SVIL: variants seen among roughly 807,000 people sequenced by gnomAD.
SVIL encodes the protein archvillin.
A neutral mutation model predicts 240.4 loss-of-function variants in SVIL; 101 were observed. The observed-to-expected ratio is 0.42, with a 90% confidence interval of 0.36 to 0.50. The LOEUF is 0.50. Among genes scored for constraint, SVIL ranks in the 20% least tolerant of loss-of-function variants. The pLI, the probability that SVIL is intolerant of heterozygous loss-of-function variation, is 0.01. For missense variants in SVIL, 2,512 were observed against 2,818.7 expected (o/e 0.89, Z 2.46); for synonymous variants, 999 against 1,100.0 (o/e 0.91, Z 1.82).
At chr10:29,705,336 G>A (rs1962811993) in intron 1 of SVIL, among the ~76,000 whole-genome samples, 1 of 152,080 alleles carries the variant, frequency 6.6e-6, no homozygotes. Flanking sequence ...TACCTGACAC[G>A]GCAAAGATTC....
At chr10:29,650,027 T>A (rs1159713635) in intron 3 of SVIL, among the ~76,000 whole-genome samples, 2 of 152,204 alleles carry the variant, frequency 1.3e-5, no homozygotes, top group Non-Finnish European at 2.9e-5. Context: ...CCTCACCAGA[T>A]GCAGCCCCTG....
At chr10:29,541,980 T>G (rs2132606032) in intron 6 of SVIL, among the ~76,000 whole-genome samples, 1 of 152,314 alleles carries the variant, frequency 6.6e-6, no homozygotes, top group Non-Finnish European at 1.5e-5. Context: ...CTGCTCACAG[T>G]GCGTTCCACT....
At chr10:29,490,749 A>G in intron 22 of SVIL, 98 bp downstream of exon 22, 6 of 1,467,200 alleles carry the variant, frequency 4.1e-6, no homozygotes, top group South Asian at 2.6e-5. Context: ...TCTGAGCACC[A>G]TTATTGGCCT....
At chr10:29,603,237 C>A (rs1207234891) in intron 1 of SVIL, among the ~76,000 whole-genome samples, 1 of 151,744 alleles carries the variant, frequency 6.6e-6, no homozygotes, top group East Asian at 1.9e-4. Flanking sequence ...GCCCTCCCCC[C>A]TCATCCTCGT....
At chr10:29,495,924 G>A (rs1161862894) in intron 18 of SVIL, among the ~76,000 whole-genome samples, 2 of 152,178 alleles carry the variant, frequency 1.3e-5, no homozygotes, top group African/African-American at 4.8e-5. Context: ...CCTAATCTAA[G>A]TGGAAGGCAT....
At chr10:29,474,761 T>C (rs1430575657) in intron 29 of SVIL, among the ~76,000 whole-genome samples, 1 of 152,136 alleles carries the variant, frequency 6.6e-6, no homozygotes, top group African/African-American at 2.4e-5. Context: ...TTAAAAACAA[T>C]AGCAGGGCCA....
intron 1 of SVIL, among the ~76,000 whole-genome samples, chr10:29,580,177 A>C (rs1186109350): frequency 1.3e-5 from 2 of 151,894 alleles, no homozygotes; most frequent in Non-Finnish European, 2.9e-5. Context: ...AAAAATTTAA[A>C]AAAAAAAAAT....
intron 30 of SVIL, among the ~76,000 whole-genome samples, 196 bp from the exon 31 acceptor site, chr10:29,471,439 G>T (rs770315561): frequency 1.3e-5 from 2 of 152,150 alleles, no homozygotes; most frequent in Non-Finnish European, 1.5e-5. Flanking sequence ...CTCAGGGAGG[G>T]TCTTCTTTTC....
intron 1 of SVIL, among the ~76,000 whole-genome samples, chr10:29,593,092 C>T (rs11007663): frequency 0.015 from 2,335 of 151,976 alleles, 31 homozygotes; most frequent in Non-Finnish European, 0.026. Context: ...CCCTAATCTG[C>T]GCTATGTTTA....
chr10:29,473,599 G>A, intron 30 of SVIL: 1 of 570,538 alleles, frequency 1.8e-6, no homozygotes, highest in Non-Finnish European at 3.1e-6. Context: ...CTTGTCATGT[G>A]GATTTCCTAT....
intron 3 of SVIL, among the ~76,000 whole-genome samples, chr10:29,647,982 A>C (rs1217993988): frequency 2.0e-4 from 30 of 151,458 alleles, no homozygotes; most frequent in Non-Finnish European, 8.8e-5. Flanking sequence ...AAAAAAAAAA[A>C]AAACAAAAAA....
At chr10:29,463,699 C>T in intron 34 of SVIL, 64 bp from the exon 35 acceptor site, 1 of 1,569,734 alleles carries the variant, frequency 6.4e-7, no homozygotes, top group Non-Finnish European at 8.6e-7. Flanking sequence ...TAGCTCACTC[C>T]TCCCCCAACC....
At chr10:29,603,891 G>A (rs1956907823) in intron 1 of SVIL, among the ~76,000 whole-genome samples, 1 of 152,146 alleles carries the variant, frequency 6.6e-6, no homozygotes, top group Non-Finnish European at 1.5e-5. Context: ...CCGCAAAGGT[G>A]ACTATGTAAT....
At chr10:29,462,217 G>C (rs1408346729) in intron 36 of SVIL, 60 bp downstream of exon 36, 23 of 1,569,058 alleles carry the variant, frequency 1.5e-5, no homozygotes, top group Non-Finnish European at 2.0e-5. Context: ...CCAAAGTAAA[G>C]TTAACCCACA....
intron 6 of SVIL, chr10:29,545,146 G>C (rs1179025847): frequency 1.9e-6 from 1 of 529,862 alleles, no homozygotes; most frequent in South Asian, 1.4e-5. Flanking sequence ...TGAGCCAAGA[G>C]AGCTTGAGGC....
chr10:29,689,049 T>C (rs956491946), intron 1 of SVIL, among the ~76,000 whole-genome samples: 4 of 151,624 alleles, frequency 2.6e-5, no homozygotes, highest in African/African-American at 9.7e-5. Flanking sequence ...AAAGAAGGAG[T>C]TGTTGATATT....
rs560424869 is a variant in SVIL, at chr10:29,538,899, G to A, written c.828-2830C>T. On this transcript the variant is annotated intron_variant, in intron 6 of 37. Coordinates refer to ENST00000355867, the MANE Select transcript of SVIL (RefSeq NM_021738.3). ...AAAGAGGCCAGGTGTGGTGGCTCAC[G>A]CCTCTTGTAATCCCAGCCCTTTTGG... Among the ~76,000 whole-genome samples the A allele has an allele frequency of 4.9e-4, 75 of 152,298 alleles. 1 individual carries two copies. Among genetic ancestry groups the A allele is most frequent in the African/African-American group, 1.5e-3 (63 of 41,560 alleles).
At chr10:29,532,432 A>ATGAT in intron 8 of SVIL, 97 bp downstream of exon 8, 1 of 1,485,922 alleles carries the variant, frequency 6.7e-7, no homozygotes, top group South Asian at 1.4e-5. Context: ...CTAAGCTAAT[A>ATGAT]TGATTCAATG....
chr10:29,681,804 G>C (rs1258369555), intron 2 of SVIL, among the ~76,000 whole-genome samples: 2 of 152,274 alleles, frequency 1.3e-5, no homozygotes, highest in Middle Eastern at 3.4e-3. Context: ...TTGCAATAAG[G>C]CTTGCTGCTT....
Sources: gnomAD v4.1 joint callset for allele counts (sites outside exome capture counted in the v4.1 genomes callset) on GRCh38, gnomAD v4.1.1 for gene constraint, MANE v1.5 for transcripts, NCBI Gene and HGNC (gene_info 2026-07-23, HGNC 2026-07-21) for gene names.